The following ARID1B variants were observed in gnomAD, a reference collection of about 807,000 sequenced individuals.
The protein encoded by ARID1B is AT-rich interactive domain-containing protein 1B.
A neutral mutation model predicts 212.3 loss-of-function variants in ARID1B; 30 were observed. The ratio of observed to expected loss-of-function variants is 0.14; its 90% CI spans 0.11 to 0.19. The LOEUF is 0.19. Ranked by LOEUF, ARID1B falls within the 10% of genes least tolerant of loss-of-function variation. The pLI is 1.00. For missense variants in ARID1B, 2,891 were observed against 3,204.0 expected (o/e 0.90, Z 2.36); for synonymous variants, 1,402 against 1,301.7 (o/e 1.08, Z -1.66).
chr6:157,110,625 T>G, intron 6 of ARID1B, 64 bp downstream of exon 6: 1 of 1,477,408 alleles, frequency 6.8e-7, no homozygotes, highest in Non-Finnish European at 9.5e-7. Flanking sequence ...GTACGTGAGT[T>G]TGCTTACCTA....
rs765827636 is a variant in ARID1B, at chr6:157,201,056, C to T, written c.4831C>T (p.Pro1611Ser). The T allele has an allele frequency of 1.9e-5, 30 of 1,613,914 alleles. No individual in the cohort carries two copies. In the Admixed American group the frequency reaches 5.0e-4, roughly 27 times the overall value. The change falls in exon 18 of 20, where the codon CCC (proline) becomes TCC (serine). Residue 1611 changes from proline to serine, a missense_variant. Transcript: ENST00000636930. The surrounding 1 kb of genome is among the most constrained non-coding windows in gnomAD (Gnocchi z 5.2). ...GGGCCCTGGCGGCCCTACACAGGCG[C>T]CCCCTTACCCAGGCATGAACCGCAC... ...RQGPGGPTQA[P>S]PYPGMNRTDD...
At chr6:156,886,766 G>T (rs1787540793) in intron 2 of ARID1B, among the ~76,000 whole-genome samples, 1 of 152,212 alleles carries the variant, frequency 6.6e-6, no homozygotes, top group African/African-American at 2.4e-5. Context: ...ATGTGTAACT[G>T]TGCCGAGCCT....
rs1260161198 is a variant in ARID1B at position 156,871,498 on chromosome 6, CT to C, written c.1987-29876del. On this transcript the variant is annotated intron_variant, in intron 2 of 19. Coordinates refer to ENST00000636930, the MANE Select transcript of ARID1B (RefSeq NM_001374828.1). ...GATACAGATGGGGACCTGAGGTTTT[CT>C]TGGAGTGATTAAGTTGCTCAAGGTC... The C allele has an allele frequency of 1.1e-5, 9 of 853,700 alleles. No homozygotes were observed. The Admixed American group carries it at 1.9e-4, about 18-fold the overall frequency. 52.9% of individuals were successfully genotyped at this position (853,700 alleles called of 1,614,324 possible).
intron 2 of ARID1B, among the ~76,000 whole-genome samples, chr6:156,834,112 G>A (rs934709329): frequency 6.6e-6 from 1 of 152,146 alleles, no homozygotes; most frequent in Admixed American, 6.5e-5. Context: ...GATATAGTTT[G>A]CATGAGAGCT....
rs1318377629 is a variant in ARID1B, at chr6:157,189,845, C to A, written c.4058+65C>A. On this transcript the variant is annotated intron_variant, in intron 14 of 19. Coordinates refer to ENST00000636930, the MANE Select transcript of ARID1B (RefSeq NM_001374828.1). ...TTGTTCATCTTTTAGTTTTCTGGGG[C>A]AAACTTCACAGAGAGAAGAAATGGT... The A allele has an allele frequency of 3.7e-6, 6 of 1,604,038 alleles. No individual in the cohort carries two copies. The African/African-American group carries it at 4.0e-5, about 11-fold the overall frequency.
intron 4 of ARID1B, chr6:157,037,021 C>T (rs1007710537): frequency 2.8e-6 from 1 of 351,250 alleles, no homozygotes; most frequent in African/African-American, 2.1e-5. Context: ...TAAGATTTCT[C>T]TTATTGTGAT....
chr6:157,147,138 T>G (rs76953165), intron 7 of ARID1B, among the ~76,000 whole-genome samples: 5,341 of 151,700 alleles, frequency 0.035, 320 homozygotes, highest in African/African-American at 0.12. Context: ...TTTACTTGAA[T>G]CTATCTACAC....
At chr6:156,897,258 CTTCTTCTTATTATTA>C (rs779101079) in intron 2 of ARID1B, among the ~76,000 whole-genome samples, 2 of 87,164 alleles carry the variant, frequency 2.3e-5, no homozygotes, top group South Asian at 4.0e-4. Context: ...TCTTCTTCTT[CTTCTTCTTATTATTA>C]TTATTATTAT....
rs3734441 is a variant in ARID1B, at chr6:157,084,796, G to T, written c.2382G>T (p.Ala794=). Residue 794 remains alanine (A), a synonymous_variant, in exon 5 of 20, where the codon GCG becomes GCT. Transcript: ENST00000636930. ...NPAQSPFSPH[A]SPHLSSIPGG... Reference sequence around the variant, plus strand: ...CGCAGTCGCCTTTCTCCCCACATGCGTCCCCTCATCTCTCCAGCATCCCGG... The same window carrying T: ...CGCAGTCGCCTTTCTCCCCACATGCTTCCCCTCATCTCTCCAGCATCCCGG... The T allele has an allele frequency of 1.2e-6, 2 of 1,613,754 alleles. No homozygotes were observed. The highest frequency in any genetic ancestry group is 2.7e-5 in the African/African-American group (2 of 74,804).
At chr6:156,781,328 G>C (rs2115043644) in intron 1 of ARID1B, among the ~76,000 whole-genome samples, 2 of 151,816 alleles carry the variant, frequency 1.3e-5, no homozygotes, top group South Asian at 4.2e-4. Context: ...TTTGAGCCTT[G>C]TTTGAACTGC....
intron 2 of ARID1B, among the ~76,000 whole-genome samples, chr6:156,840,609 C>T (rs1783826848): frequency 1.3e-5 from 2 of 152,232 alleles, no homozygotes; most frequent in African/African-American, 2.4e-5. Flanking sequence ...AGATTAGGCT[C>T]ATTCTCCAAA....
intron 5 of ARID1B, 67 bp downstream of exon 5, chr6:157,084,972 T>A (rs2128463960): frequency 6.6e-7 from 1 of 1,522,182 alleles, no homozygotes; most frequent in South Asian, 1.3e-5. Flanking sequence ...TCATCAACAG[T>A]AACTCACATT....
chr6:157,207,199 T>C lies in ARID1B; in HGVS notation c.6427T>C (p.Leu2143=), dbSNP rs2128396912. The stretch of plus-strand genomic sequence containing the variant: ...GTGGTGGTGGGACTGCCTCGAGGTC[T>C]TGAGGGATAACACGTTGGTCACGTT... The part of the protein sequence containing the change: ...DEWWWDCLEV[L]RDNTLVTLAN... Residue 2143 remains leucine (L), a synonymous_variant, in exon 20 of 20, where the codon TTG becomes CTG. Transcript: ENST00000636930. This position sits in a 1 kb window ranked among gnomAD's most constrained non-coding sequence, Gnocchi z 8.5. 1.2e-6 allele frequency: 2 copies of C among 1,614,134 alleles called. No individual in the cohort carries two copies. Among genetic ancestry groups the C allele is most frequent in the Non-Finnish European group, 1.7e-6 (2 of 1,180,010 alleles).
chr6:156,855,236 C>T (rs1317737327), intron 2 of ARID1B, among the ~76,000 whole-genome samples: 2 of 152,114 alleles, frequency 1.3e-5, no homozygotes, highest in African/African-American at 2.4e-5. Context: ...ATTTTTAAGG[C>T]GTATGGATGA....
intron 4 of ARID1B, chr6:156,939,748 A>G (rs1792525422): frequency 6.6e-6 from 1 of 152,204 alleles, no homozygotes; most frequent in African/African-American, 2.4e-5. Flanking sequence ...TTACTTTGGT[A>G]ACCATAGCTT....
chr6:156,857,138 A>G (rs1310794251), intron 2 of ARID1B, among the ~76,000 whole-genome samples: 1 of 152,202 alleles, frequency 6.6e-6, no homozygotes, highest in Non-Finnish European at 1.5e-5. Context: ...GAACCTCATA[A>G]TAGTTCTCTT....
At chr6:157,047,996 A>G (rs1782352160) in intron 4 of ARID1B, among the ~76,000 whole-genome samples, 1 of 152,182 alleles carries the variant, frequency 6.6e-6, no homozygotes, top group African/African-American at 2.4e-5. Flanking sequence ...AAAATATCCT[A>G]GGGAAGATGG....
At chr6:156,811,874 G>A (rs189074969) in intron 1 of ARID1B, among the ~76,000 whole-genome samples, 15 of 152,322 alleles carry the variant, frequency 9.8e-5, no homozygotes, top group Admixed American at 3.3e-4. Context: ...AGGGATATCA[G>A]TTGGGGTATA....
intron 3 of ARID1B, chr6:156,902,191 A>G (rs1449066855): frequency 6.6e-6 from 1 of 152,358 alleles, no homozygotes; most frequent in East Asian, 1.9e-4. Flanking sequence ...AAAATGATTC[A>G]GTTTCCTTAT....
Sources: gnomAD v4.1 joint callset for allele counts (sites outside exome capture counted in the v4.1 genomes callset) on GRCh38, gnomAD v4.1.1 for gene constraint, Gnocchi (gnomAD v3.1) non-coding constraint, MANE v1.5 for transcripts, NCBI Gene and HGNC (gene_info 2026-07-23, HGNC 2026-07-21) for gene names.